PRKN: variants seen among roughly 807,000 people sequenced by gnomAD.
PRKN encodes the protein E3 ubiquitin-protein ligase parkin.
In PRKN, 56 loss-of-function variants were observed where a neutral mutation model predicts 59.5. The observed-to-expected ratio is 0.94, with a 90% confidence interval of 0.76 to 1.18. PRKN has a LOEUF of 1.18. Among genes scored for constraint, PRKN ranks in the 50% most tolerant of loss-of-function variants. PRKN has a pLI of 0.00. For synonymous variants in PRKN, 250 were observed against 222.1 expected, an observed-to-expected ratio of 1.13 and a Z score of -1.12; for missense variants, 657 against 596.4, an observed-to-expected ratio of 1.10 and a Z score of -1.06.
chr6:162,184,866 T>C (rs923543982), intron 4 of PRKN, among the ~76,000 whole-genome samples: 19 of 152,016 alleles, frequency 1.2e-4, no homozygotes, highest in Non-Finnish European at 2.5e-4. Flanking sequence ...AAACTTAAAG[T>C]AAACCAATTT....
In PRKN at chr6:161,469,079, G is replaced by A. The variant is rs78299874; in HGVS notation, c.1083+79775C>T. 7.2e-3 allele frequency among the ~76,000 whole-genome samples: 1,090 copies of A among 151,840 alleles called. 11 individuals carry two copies. The highest frequency in any genetic ancestry group is 0.025 in the African/African-American group (1,023 of 41,164). On this transcript the variant is annotated intron_variant, in intron 9 of 11. Coordinates refer to ENST00000366898, the MANE Select transcript of PRKN (RefSeq NM_004562.3). ...CCCCATGTCTGTGTACTCATCCCTG[G>A]AACTTATGAATATGGTAGCATTCAT...
chr6:162,600,264 A>G (rs777556217), intron 1 of PRKN, among the ~76,000 whole-genome samples: 12 of 152,174 alleles, frequency 7.9e-5, no homozygotes, highest in Non-Finnish European at 1.8e-4. Flanking sequence ...TTCAACCAGC[A>G]TAGGGTTTTG....
intron 2 of PRKN, among the ~76,000 whole-genome samples, chr6:162,380,340 G>A (rs1583468508): frequency 6.7e-6 from 1 of 150,254 alleles, no homozygotes; most frequent in Non-Finnish European, 1.5e-5. Context: ...ATAGAGAACA[G>A]CAAGTATTCA....
intron 3 of PRKN, among the ~76,000 whole-genome samples, chr6:162,212,040 T>G (rs578146640): frequency 8.3e-4 from 127 of 152,284 alleles, no homozygotes; most frequent in African/African-American, 2.8e-3. Flanking sequence ...AAGTCTGCAC[T>G]GGAATAACTC....
chr6:162,616,122 T>A (rs767202731), intron 1 of PRKN, among the ~76,000 whole-genome samples: 2 of 152,178 alleles, frequency 1.3e-5, no homozygotes, highest in Non-Finnish European at 1.5e-5. Flanking sequence ...CTCTCCTTCA[T>A]TTAAGAGACA....
chr6:161,928,202 C>A (rs1354471827), intron 6 of PRKN, among the ~76,000 whole-genome samples: 1 of 152,192 alleles, frequency 6.6e-6, no homozygotes, highest in African/African-American at 2.4e-5. Flanking sequence ...GGACTTCCAG[C>A]CTTCAAAACT....
In PRKN at chr6:161,716,040, G is replaced by C. The variant is rs765916022; in HGVS notation, c.871+69732C>G. 2.3e-5 allele frequency: 28 copies of C among 1,220,340 alleles called. No homozygotes were observed. The South Asian group carries it at 3.1e-4, about 13-fold the overall frequency. The allele number at this position is 1,220,340 out of a possible 1,614,324, so 75.6% of individuals were successfully genotyped here. A position where few individuals can be genotyped will look rare whatever the true frequency, so the allele number is the denominator to read the frequency against. On this transcript the variant is annotated intron_variant, in intron 7 of 11. Transcript: ENST00000366898. The stretch of plus-strand genomic sequence containing the variant: ...TCTGGGGAATTGGATCTGGTTTAGC[G>C]ACACAGCCACCATGCTGTGCTGGGC...
chr6:162,021,757 G>GA (rs1325305750), intron 5 of PRKN, among the ~76,000 whole-genome samples: 7 of 152,076 alleles, frequency 4.6e-5, no homozygotes, highest in Admixed American at 4.6e-4. Context: ...TATATCGTGT[G>GA]ATGTTGGGGT....
chr6:162,482,367 G>A (rs1359272044), intron 1 of PRKN, among the ~76,000 whole-genome samples: 1 of 152,082 alleles, frequency 6.6e-6, no homozygotes, highest in Non-Finnish European at 1.5e-5. Flanking sequence ...TTTTACACAA[G>A]CAAGTGCACT....
chr6:162,183,071 T>C (rs946867704), intron 4 of PRKN, among the ~76,000 whole-genome samples: 9 of 152,190 alleles, frequency 5.9e-5, no homozygotes, highest in African/African-American at 1.7e-4. Flanking sequence ...TTGCATTTCA[T>C]TGACAAAATA....
chr6:162,494,539 G>C (rs986842828), intron 1 of PRKN, among the ~76,000 whole-genome samples: 7 of 152,148 alleles, frequency 4.6e-5, no homozygotes, highest in African/African-American at 1.7e-4. Context: ...AACACTGCTT[G>C]ATCAGCCCTC....
At chr6:162,611,823 T>C (rs1343434241) in intron 1 of PRKN, among the ~76,000 whole-genome samples, 3 of 152,114 alleles carry the variant, frequency 2.0e-5, no homozygotes, top group African/African-American at 4.8e-5. Flanking sequence ...TAAATCTAAA[T>C]GTGCAGAAAA....
At chr6:162,647,010 A>T (rs981949785) in intron 1 of PRKN, among the ~76,000 whole-genome samples, 21 of 152,170 alleles carry the variant, frequency 1.4e-4, no homozygotes, top group African/African-American at 4.8e-4. Flanking sequence ...AAGGACAAAA[A>T]ATACAGAAGT....
At chr6:161,384,281 C>G (rs913982812) in intron 10 of PRKN, among the ~76,000 whole-genome samples, 1 of 152,180 alleles carries the variant, frequency 6.6e-6, no homozygotes, top group African/African-American at 2.4e-5. Context: ...TCATGGGGCG[C>G]AGTGGCTCAC....
chr6:162,646,074 G>GT (rs1562464997), intron 1 of PRKN, among the ~76,000 whole-genome samples: 1 of 151,410 alleles, frequency 6.6e-6, no homozygotes, highest in Non-Finnish European at 1.5e-5. Flanking sequence ...CGGTTTCACC[G>GT]TGTTAGCCAG....
At chr6:161,589,978 A>T (rs1477003516) in intron 7 of PRKN, among the ~76,000 whole-genome samples, 49 of 150,834 alleles carry the variant, frequency 3.2e-4, no homozygotes, top group African/African-American at 1.2e-3. Context: ...TACTAGAGAC[A>T]GGGTTTCACC....
chr6:162,298,610 C>T (rs1311309817), intron 2 of PRKN, among the ~76,000 whole-genome samples: 1 of 130,014 alleles, frequency 7.7e-6, no homozygotes, highest in African/African-American at 2.8e-5. Flanking sequence ...ACTCTCCCAC[C>T]CCCCCACCAC....
chr6:161,621,701 C>T (rs994637447), intron 7 of PRKN, among the ~76,000 whole-genome samples: 5 of 152,034 alleles, frequency 3.3e-5, no homozygotes, highest in African/African-American at 7.2e-5. Flanking sequence ...CCAGTCAAGT[C>T]GACACCTAAA....
At chr6:161,795,259 G>T (rs1426134276) in intron 6 of PRKN, among the ~76,000 whole-genome samples, 1 of 145,080 alleles carries the variant, frequency 6.9e-6, no homozygotes. Flanking sequence ...CTGAGACAGG[G>T]TCTCACTCTC....
Sources: gnomAD v4.1 joint callset for allele counts (sites outside exome capture counted in the v4.1 genomes callset) on GRCh38, gnomAD v4.1.1 for gene constraint, MANE v1.5 for transcripts, NCBI Gene and HGNC (gene_info 2026-07-23, HGNC 2026-07-21) for gene names.